Variants in PCLO observed in about 807,000 individuals in gnomAD.
PCLO encodes the protein piccolo presynaptic cytomatrix protein.
In PCLO, 82 loss-of-function variants were observed where a neutral mutation model predicts 427.5. That is an observed-to-expected ratio of 0.19 (90% CI 0.16 to 0.23). PCLO has a LOEUF of 0.23. Ranked by LOEUF, PCLO falls within the 10% of genes least tolerant of loss-of-function variation. The probability of loss-of-function intolerance (pLI) is 1.00; values close to 1 mark genes in which losing one functional copy is unlikely to be tolerated. For synonymous variants in PCLO, 2,357 were observed against 2,155.4 expected (o/e 1.09, Z -2.59); for missense variants, 6,239 against 6,115.9 (o/e 1.02, Z -0.67).
In PCLO at chr7:82,805,773, T is replaced by C. The variant is rs1791444976; in HGVS notation, c.14848A>G (p.Ser4950Gly). 6 of 1,611,074 alleles carry C rather than the reference T, an allele frequency of 3.7e-6. No homozygotes were observed. The East Asian group carries it at 1.1e-4, about 30-fold the overall frequency. The change falls in exon 21 of 25, where the codon AGC becomes GGC. Residue 4950 changes from serine to glycine, a missense_variant. Ser to Gly is a moderately conservative substitution (Grantham distance 56). Transcript: ENST00000333891. ...ACGCTATACCCACTGCCAAAGCTGCTGCCCGAGGAGCCGGTGGACACAGAG... is the reference window on the plus strand; with the variant it reads ...ACGCTATACCCACTGCCAAAGCTGCCGCCCGAGGAGCCGGTGGACACAGAG... The part of the protein sequence containing the change: ...ESSVSTGSSG[S>G]SFGSGYSVDS...
At chr7:83,097,543 ATATAT>A (rs1182883893) in intron 3 of PCLO, among the ~76,000 whole-genome samples, 1 of 136,752 alleles carries the variant, frequency 7.3e-6, no homozygotes, top group African/African-American at 2.7e-5. Flanking sequence ...TATATATATA[ATATAT>A]AAAATACATA....
chr7:82,769,952 ATCT>A (rs1790614403), intron 22 of PCLO, among the ~76,000 whole-genome samples: 1 of 152,130 alleles, frequency 6.6e-6, no homozygotes, highest in Admixed American at 6.6e-5. Context: ...AAGTCATTAA[ATCT>A]TCTGCTCTAA....
At chr7:82,857,359 G>A (rs1353875188) in intron 10 of PCLO, among the ~76,000 whole-genome samples, 23 of 152,078 alleles carry the variant, frequency 1.5e-4, no homozygotes, top group Admixed American at 1.5e-3. Flanking sequence ...TATTCTTACT[G>A]AATTATTAAT....
chr7:82,971,809 T>A (rs1451716478), intron 3 of PCLO, among the ~76,000 whole-genome samples: 1 of 150,356 alleles, frequency 6.7e-6, no homozygotes, highest in East Asian at 1.9e-4. Flanking sequence ...ACATAAAAAA[T>A]TACAAAATAT....
At chr7:83,027,405 G>A (rs1024664708) in intron 3 of PCLO, among the ~76,000 whole-genome samples, 4 of 152,184 alleles carry the variant, frequency 2.6e-5, no homozygotes, top group South Asian at 4.2e-4. Flanking sequence ...GACTAAACCA[G>A]GAAGAAGTTG....
intron 3 of PCLO, among the ~76,000 whole-genome samples, chr7:83,038,045 AT>A (rs1788861679): frequency 2.8e-5 from 1 of 35,204 alleles, no homozygotes; most frequent in African/African-American, 2.2e-4. Flanking sequence ...ATATTTATAT[AT>A]ATATCTTTAT....
chr7:83,097,646 A>C (rs569044596), intron 3 of PCLO, among the ~76,000 whole-genome samples: 101 of 150,398 alleles, frequency 6.7e-4, no homozygotes, highest in Non-Finnish European at 1.3e-3. Flanking sequence ...TAAACAGTCT[A>C]TTAAAAACTG....
intron 1 of PCLO, among the ~76,000 whole-genome samples, chr7:83,158,379 C>T (rs1436356288): frequency 6.6e-6 from 1 of 151,872 alleles, no homozygotes; most frequent in African/African-American, 2.4e-5. Flanking sequence ...TCTATATTTA[C>T]TTAATATATT....
At chr7:82,922,778 T>G (rs1421068963) in intron 6 of PCLO, among the ~76,000 whole-genome samples, 1 of 151,978 alleles carries the variant, frequency 6.6e-6, no homozygotes, top group Non-Finnish European at 1.5e-5. Flanking sequence ...CATCTTTTGC[T>G]AAATAGTTCT....
Position 83,001,662 on chromosome 7 carries a change from A to T in PCLO, c.3301-35175T>A, listed in dbSNP as rs551972459. 5.3e-5 allele frequency among the ~76,000 whole-genome samples: 8 copies of T among 152,178 alleles called. No individual in the cohort carries two copies. In the South Asian group the frequency reaches 1.7e-3, roughly 32 times the overall value. On this transcript the variant is annotated intron_variant, in intron 3 of 24. Transcript: ENST00000333891. ...GTTAGCTGGGGTTTCTCATGAAGCT[A>T]TACTCAGCTGGTGAGTGGACTGGGC...
Position 82,844,637 on chromosome 7 carries a change from A to C in PCLO, c.14046+634T>G, listed in dbSNP as rs75698818. Among the ~76,000 whole-genome samples, 267 of 152,082 alleles carry C rather than the reference A, an allele frequency of 1.8e-3. 1 individual carries two copies. Among genetic ancestry groups the C allele is most frequent in the African/African-American group, 6.0e-3 (247 of 41,390 alleles). ...AACTACAGGGATAGTTTTTCTTAAG[A>C]ATCAAATCTATGAGGGAAATCATAA... is the stretch of plus-strand genomic sequence containing the variant. On this transcript the variant is annotated intron_variant, in intron 13 of 24. Coordinates refer to ENST00000333891, the MANE Select transcript of PCLO (RefSeq NM_033026.6).
intron 3 of PCLO, among the ~76,000 whole-genome samples, chr7:83,006,399 A>T (rs2115957856): frequency 6.6e-6 from 1 of 151,744 alleles, no homozygotes; most frequent in Non-Finnish European, 1.5e-5. Flanking sequence ...ATTTACAAAT[A>T]TTTTGAACAA....
intron 6 of PCLO, among the ~76,000 whole-genome samples, chr7:82,920,027 C>A (rs565478966): frequency 1.3e-5 from 2 of 151,200 alleles, no homozygotes; most frequent in Non-Finnish European, 3.0e-5. Context: ...GACAGAAATA[C>A]AATAAAGAAT....
chr7:82,825,787 CAATATATAA>C (rs1791923550), intron 18 of PCLO, among the ~76,000 whole-genome samples: 1 of 146,330 alleles, frequency 6.8e-6, no homozygotes, highest in African/African-American at 2.5e-5. Flanking sequence ...ATGATATATA[CAATATATAA>C]AATATATGTA....
At chr7:83,052,373 G>A (rs2116270842) in intron 3 of PCLO, among the ~76,000 whole-genome samples, 1 of 151,888 alleles carries the variant, frequency 6.6e-6, no homozygotes, top group South Asian at 2.1e-4. Flanking sequence ...AAAAACCACA[G>A]GCTCTAGAGC....
At chr7:83,005,683 G>C (rs975384778) in intron 3 of PCLO, among the ~76,000 whole-genome samples, 1 of 151,544 alleles carries the variant, frequency 6.6e-6, no homozygotes, top group Non-Finnish European at 1.5e-5. Context: ...ACAGTGTACA[G>C]GTAGGTATAT....
At chr7:82,993,505 A>C (rs1257938173) in intron 3 of PCLO, among the ~76,000 whole-genome samples, 1 of 152,040 alleles carries the variant, frequency 6.6e-6, no homozygotes, top group Non-Finnish European at 1.5e-5. Context: ...TTATTTAATC[A>C]TTCTAACTTT....
intron 4 of PCLO, among the ~76,000 whole-genome samples, chr7:82,961,456 G>A (rs1795653885): frequency 6.6e-6 from 1 of 152,124 alleles, no homozygotes; most frequent in African/African-American, 2.4e-5. Flanking sequence ...AGTTGTGCTG[G>A]AGCCAGATTC....
chr7:83,043,912 C>CTTTTTATTTTTTT (rs1789034189), intron 3 of PCLO, among the ~76,000 whole-genome samples: 1 of 94,910 alleles, frequency 1.1e-5, no homozygotes, highest in Non-Finnish European at 2.0e-5. Context: ...CTATTATTTT[C>CTTTTTATTTTTTT]TTTTTTTTTT....
Sources: allele counts gnomAD v4.1 joint callset (sites outside exome capture counted in the v4.1 genomes callset), GRCh38; gene constraint gnomAD v4.1.1; transcripts MANE v1.5; gene names NCBI Gene and HGNC (gene_info 2026-07-23, HGNC 2026-07-21).